The following ZNF550 variants were observed in gnomAD, a reference collection of about 807,000 sequenced individuals.
The protein encoded by ZNF550 is zinc finger protein 550.
ZNF550 carries 42 observed loss-of-function variants against 40.2 expected under a neutral mutation model. That is an observed-to-expected ratio of 1.05 (90% CI 0.82 to 1.35). The LOEUF (loss-of-function observed/expected upper bound fraction) is 1.35. Among genes scored for constraint, ZNF550 ranks in the 40% most tolerant of loss-of-function variants. The pLI, the probability that ZNF550 is intolerant of heterozygous loss-of-function variation, is 0.00. For synonymous variants in ZNF550, 223 were observed against 198.6 expected, an observed-to-expected ratio of 1.12 and a Z score of -1.03; for missense variants, 549 against 525.2, an observed-to-expected ratio of 1.05 and a Z score of -0.44.
exon 4 of ZNF550, chr19:57,547,669 T>C (rs1179707139): frequency 1.2e-6 from 2 of 1,614,162 alleles, no homozygotes; most frequent in African/African-American, 2.7e-5. Flanking sequence ...CAAGGCGTCT[T>C]TCCCTGGTTG....
exon 5 of ZNF550, chr19:57,542,547 G>C (rs958524596): frequency 2.6e-5 from 4 of 151,780 alleles, no homozygotes; most frequent in African/African-American, 9.7e-5. Flanking sequence ...CTAGAGGTAA[G>C]CCCATGAAAT....
At chr19:57,548,784 T>A (rs1234667074) in intron 3 of ZNF550, among the ~76,000 whole-genome samples, 1 of 152,216 alleles carries the variant, frequency 6.6e-6, no homozygotes. Flanking sequence ...ACTACCATGT[T>A]TACTGCAGTA....
At chr19:57,547,839 C>T (rs936864382) in exon 4 of ZNF550, 2 of 1,614,000 alleles carry the variant, frequency 1.2e-6, no homozygotes, top group African/African-American at 2.7e-5. Context: ...TACCTTTCTG[C>T]ATTTCCAAAA....
At chr19:57,555,260 GGTT>G (rs778174859) in intron 2 of ZNF550, 3 of 152,172 alleles carry the variant, frequency 2.0e-5, no homozygotes, top group Non-Finnish European at 4.4e-5. Context: ...CTAAGTTGGA[GGTT>G]GTCCCCTCTG....
exon 4 of ZNF550, chr19:57,546,547 C>A: frequency 2.0e-6 from 2 of 993,208 alleles, no homozygotes; most frequent in Non-Finnish European, 1.2e-6. Context: ...CAAGTGACAA[C>A]CTGGTCACAA....
upstream of ZNF550, among the ~76,000 whole-genome samples, chr19:57,560,410 G>A (rs112879782): frequency 2.6e-5 from 4 of 152,196 alleles, no homozygotes; most frequent in Non-Finnish European, 5.9e-5. Context: ...GTGAGTCCCC[G>A]CCCGCTTCCG....
intron 3 of ZNF550, among the ~76,000 whole-genome samples, chr19:57,549,808 A>G (rs2090056746): frequency 6.6e-6 from 1 of 152,202 alleles, no homozygotes; most frequent in African/African-American, 2.4e-5. Flanking sequence ...AGATCTGACA[A>G]GTTTCTGCTG....
rs1360107058 is a variant in ZNF550, at chr19:57,552,725, G to A, written c.155-3C>T. On this transcript the variant is annotated splice_polypyrimidine_tract_variant and splice_region_variant and intron_variant, in intron 2 of 4. Transcript: ENST00000457177. ...CTCTGGTTTGGGAACCCGATGCCCT[G>A]TTGATAGCAAAAGAAATAGAATAGG... 6.3e-7 allele frequency: 1 copy of A among 1,594,490 alleles called. No homozygotes were observed.
At chr19:57,556,270 C>T (rs2090119849) in exon 2 of ZNF550, 3 of 1,614,080 alleles carry the variant, frequency 1.9e-6, no homozygotes, top group Non-Finnish European at 2.5e-6. Flanking sequence ...AGCATCACCT[C>T]TCGGTACAGG....
At chr19:57,542,717 G>A (rs2123327829) in exon 5 of ZNF550, 1 of 152,296 alleles carries the variant, frequency 6.6e-6, no homozygotes, top group Non-Finnish European at 1.5e-5. Flanking sequence ...TAGAACATAT[G>A]TTCCATGCTT....
At chr19:57,550,530 G>A (rs2090063471) in intron 3 of ZNF550, among the ~76,000 whole-genome samples, 1 of 152,164 alleles carries the variant, frequency 6.6e-6, no homozygotes, top group South Asian at 2.1e-4. Flanking sequence ...ATGGTGAAAA[G>A]AAGAAATACA....
chr19:57,542,496 T>G (rs1369675986), exon 5 of ZNF550: 1 of 151,930 alleles, frequency 6.6e-6, no homozygotes, highest in Non-Finnish European at 1.5e-5. Context: ...GGATGAAAGC[T>G]TCATGATGTA....
Position 57,544,167 on chromosome 19 carries a change from C to G in ZNF550, c.*519-924G>C, listed in dbSNP as rs920641826. ...TAGCCCAGCCATCCACTGCATCCCA[C>G]TCTTCTAAGTATGACCACAACAGTG... On this transcript the variant is annotated intron_variant, in intron 4 of 4. Coordinates refer to ENST00000457177, the Ensembl canonical transcript of ZNF550. The G allele has an allele frequency of 1.2e-5, 12 of 985,352 alleles. No homozygotes were observed. The Middle Eastern group carries it at 1.5e-3, about 127-fold the overall frequency. The allele number at this position is 985,352 out of a possible 1,614,324, so 61.0% of individuals were successfully genotyped here.
chr19:57,544,531 G>A (rs2089990965), intron 4 of ZNF550: 1 of 985,302 alleles, frequency 1.0e-6, no homozygotes, highest in Non-Finnish European at 1.2e-6. Context: ...GAGGGTGGGG[G>A]TCCTCAAGAG....
chr19:57,552,923 C>A, intron 2 of ZNF550: 2 of 550,294 alleles, frequency 3.6e-6, no homozygotes, highest in Non-Finnish European at 6.5e-6. Context: ...TGTTGATGCC[C>A]TAACACCCAA....
chr19:57,552,933 A>T (rs116979805), intron 2 of ZNF550: 7,251 of 530,560 alleles, frequency 0.014, 73 homozygotes, highest in Middle Eastern at 0.031. Flanking sequence ...CTAACACCCA[A>T]CGTGACTGTA....
chr19:57,559,662 T>G (rs993033694), exon 1 of ZNF550: 58 of 1,508,090 alleles, frequency 3.8e-5, no homozygotes, highest in Non-Finnish European at 4.7e-5. Flanking sequence ...TCACCTGCGC[T>G]GCGTCCTTCG....
exon 4 of ZNF550, chr19:57,547,311 T>G: frequency 2.5e-6 from 4 of 1,614,164 alleles, no homozygotes; most frequent in Non-Finnish European, 3.4e-6. Flanking sequence ...AGGGCTTTTC[T>G]CCAGTGTGGG....
At chr19:57,560,706 A>G (rs2090160886), upstream of ZNF550, among the ~76,000 whole-genome samples, 1 of 152,050 alleles carries the variant, frequency 6.6e-6, no homozygotes, top group African/African-American at 2.4e-5. Flanking sequence ...CCATTTTTAT[A>G]CTAAATGTGG....
Sources: gnomAD v4.1 joint callset for allele counts (sites outside exome capture counted in the v4.1 genomes callset) on GRCh38, gnomAD v4.1.1 for gene constraint, MANE v1.5 for transcripts, NCBI Gene and HGNC (gene_info 2026-07-23, HGNC 2026-07-21) for gene names.